FARS2: variants seen among roughly 807,000 people sequenced by gnomAD.
The protein encoded by FARS2 is phenylalanyl-tRNA synthetase 2, mitochondrial, also known as phenylalanine--tRNA ligase, mitochondrial.
Under a neutral mutation model 46.4 loss-of-function variants are expected in FARS2, and 40 were observed. That is an observed-to-expected ratio of 0.86 (90% CI 0.67 to 1.12). FARS2 has a LOEUF of 1.12. FARS2 is among the 50% of genes most tolerant of loss of function. The pLI, the probability that FARS2 is intolerant of heterozygous loss-of-function variation, is 0.00. For missense variants in FARS2, 513 were observed against 567.9 expected, an observed-to-expected ratio of 0.90 and a Z score of 0.98; for synonymous variants, 234 against 214.9, an observed-to-expected ratio of 1.09 and a Z score of -0.78.
At chr6:5,275,880 G>A (rs1319855997) in intron 1 of FARS2, among the ~76,000 whole-genome samples, 1 of 151,956 alleles carries the variant, frequency 6.6e-6, no homozygotes, top group African/African-American at 2.4e-5. Flanking sequence ...CTTGCGTTAC[G>A]ATATATTCTC....
chr6:5,332,995 T>C (rs932278619), intron 1 of FARS2, among the ~76,000 whole-genome samples: 1 of 152,254 alleles, frequency 6.6e-6, no homozygotes, highest in African/African-American at 2.4e-5. Flanking sequence ...TATACTAATA[T>C]TGATTTTCTT....
intron 6 of FARS2, among the ~76,000 whole-genome samples, chr6:5,646,307 A>G (rs938001763): frequency 1.3e-5 from 2 of 152,188 alleles, no homozygotes; most frequent in Non-Finnish European, 2.9e-5. Context: ...GAATTAGATT[A>G]GAGAAGATTA....
At chr6:5,614,986 T>G (rs1380305360) in intron 6 of FARS2, among the ~76,000 whole-genome samples, 2 of 152,228 alleles carry the variant, frequency 1.3e-5, no homozygotes, top group African/African-American at 2.4e-5. Context: ...TTTAATTTCA[T>G]ATAAAGAAAT....
intron 1 of FARS2, among the ~76,000 whole-genome samples, chr6:5,328,732 A>T (rs565059910): frequency 6.6e-6 from 1 of 152,262 alleles, no homozygotes; most frequent in African/African-American, 2.4e-5. Flanking sequence ...TGAGTTAGGA[A>T]TCTCTTCCTA....
intron 6 of FARS2, among the ~76,000 whole-genome samples, chr6:5,672,105 T>C (rs900041660): frequency 5.3e-5 from 8 of 152,182 alleles, no homozygotes; most frequent in Non-Finnish European, 1.0e-4. Flanking sequence ...AATCAGTCGG[T>C]AGCCGTGGGA....
At chr6:5,747,429 G>C (rs1349601892) in intron 6 of FARS2, among the ~76,000 whole-genome samples, 1 of 152,252 alleles carries the variant, frequency 6.6e-6, no homozygotes, top group Non-Finnish European at 1.5e-5. Flanking sequence ...ATGAGGTGGT[G>C]AGAGGTGCTC....
intron 3 of FARS2, among the ~76,000 whole-genome samples, 161 bp downstream of exon 3, chr6:5,404,862 C>T (rs533769577): frequency 2.7e-5 from 4 of 148,466 alleles, no homozygotes; most frequent in African/African-American, 1.0e-4. Context: ...TATAGTGGTG[C>T]GATCTCGGCT....
chr6:5,260,583 A>C (rs4141761), upstream of FARS2: 1 of 1,105,960 alleles, frequency 9.0e-7, no homozygotes, highest in Non-Finnish European at 1.3e-6. Flanking sequence ...ATTCCGCGTC[A>C]GCCCGCACCC....
intron 3 of FARS2, among the ~76,000 whole-genome samples, chr6:5,409,438 G>A (rs1332828956): frequency 4.7e-5 from 5 of 106,192 alleles, no homozygotes; most frequent in Non-Finnish European, 5.7e-5. Context: ...GCAACAGAGC[G>A]AGACTGACTC....
rs1270505450 is a variant in FARS2 at position 5,727,140 on chromosome 6, G to A, written c.1218-44151G>A. ...CTGGTAGGAAAAGCGTGACTGCAGTGCATGGCACCCAGGAAGCTGCTCAGT... is the reference window on the plus strand; with the variant it reads ...CTGGTAGGAAAAGCGTGACTGCAGTACATGGCACCCAGGAAGCTGCTCAGT... On this transcript the variant is annotated intron_variant, in intron 6 of 6. Coordinates refer to ENST00000274680, the MANE Select transcript of FARS2 (RefSeq NM_006567.5). This position sits in a 1 kb window ranked among gnomAD's most constrained non-coding sequence, Gnocchi z 4.1. Among the ~76,000 whole-genome samples the A allele has an allele frequency of 6.6e-6, 1 of 152,202 alleles. No homozygotes were observed. The highest frequency in any genetic ancestry group is 2.4e-5 in the African/African-American group (1 of 41,450).
intron 1 of FARS2, among the ~76,000 whole-genome samples, chr6:5,294,060 A>T (rs1767685240): frequency 6.6e-6 from 1 of 152,220 alleles, no homozygotes; most frequent in Non-Finnish European, 1.5e-5. Flanking sequence ...TATACAACCT[A>T]GCATCTAGCC....
chr6:5,259,095 C>T (rs1424249381), upstream of FARS2, among the ~76,000 whole-genome samples: 6 of 152,098 alleles, frequency 3.9e-5, no homozygotes, highest in African/African-American at 4.8e-5. Context: ...AGTTAGTCTT[C>T]GAGGGCTCCA....
chr6:5,278,249 T>G (rs1315895780), intron 1 of FARS2, among the ~76,000 whole-genome samples: 2 of 152,178 alleles, frequency 1.3e-5, no homozygotes, highest in East Asian at 1.9e-4. Context: ...ACCTATTCTC[T>G]CCTCACCCCT....
At chr6:5,297,806 A>G (rs1467238270) in intron 1 of FARS2, among the ~76,000 whole-genome samples, 4 of 152,248 alleles carry the variant, frequency 2.6e-5, no homozygotes, top group Non-Finnish European at 5.9e-5. Context: ...AAAAGTCTGT[A>G]GTATCTTTGA....
intron 3 of FARS2, 87 bp downstream of exon 3, chr6:5,404,788 C>A (rs1202696282): frequency 2.1e-5 from 16 of 761,132 alleles, no homozygotes; most frequent in Non-Finnish European, 2.8e-5. Flanking sequence ...TTTTTTTTTT[C>A]ATATTTTGAA....
chr6:5,755,902 C>T (rs1163153286), intron 6 of FARS2, among the ~76,000 whole-genome samples: 1 of 152,234 alleles, frequency 6.6e-6, no homozygotes, highest in Non-Finnish European at 1.5e-5. Context: ...ACATGAGACA[C>T]AGACCTGGAA....
intron 5 of FARS2, among the ~76,000 whole-genome samples, chr6:5,576,969 T>C (rs750832805): frequency 3.4e-4 from 52 of 152,050 alleles, no homozygotes; most frequent in Non-Finnish European, 6.5e-4. Context: ...TTGGAAATGC[T>C]CTGTATCTTG....
chr6:5,499,166 CGATGAAG>C (rs1312068095), intron 4 of FARS2, among the ~76,000 whole-genome samples: 1 of 152,148 alleles, frequency 6.6e-6, no homozygotes, highest in African/African-American at 2.4e-5. Context: ...AGGCGTGTAT[CGATGAAG>C]GCTGCATCTG....
At chr6:5,633,456 A>G (rs908469211) in intron 6 of FARS2, among the ~76,000 whole-genome samples, 1 of 151,532 alleles carries the variant, frequency 6.6e-6, no homozygotes, top group Non-Finnish European at 1.5e-5. Context: ...TTGTATTTTT[A>G]GTAGAGATGG....
Sources: allele counts gnomAD v4.1 joint callset (sites outside exome capture counted in the v4.1 genomes callset), GRCh38; gene constraint gnomAD v4.1.1; non-coding constraint Gnocchi (gnomAD v3.1); transcripts MANE v1.5; gene names NCBI Gene and HGNC (gene_info 2026-07-23, HGNC 2026-07-21).